SHANK2: variants seen among roughly 807,000 people sequenced by gnomAD.
The protein encoded by SHANK2 is SH3 and multiple ankyrin repeat domains protein 2.
A neutral mutation model predicts 133.7 loss-of-function variants in SHANK2; 43 were observed. That is an observed-to-expected ratio of 0.32 (90% CI 0.25 to 0.41). SHANK2 has a LOEUF of 0.41. Among genes scored for constraint, SHANK2 ranks in the 10% least tolerant of loss-of-function variants. SHANK2 has a pLI of 1.00. For synonymous variants in SHANK2, 1,017 were observed against 952.8 expected, an observed-to-expected ratio of 1.07 and a Z score of -1.24; for missense variants, 1,994 against 2,235.8, an observed-to-expected ratio of 0.89 and a Z score of 2.18.
chr11:71,219,241 G>A (rs549307514), intron 2 of SHANK2, among the ~76,000 whole-genome samples: 1 of 152,338 alleles, frequency 6.6e-6, no homozygotes, highest in African/African-American at 2.4e-5. Flanking sequence ...ACTTTGCAGA[G>A]CATGCAGTCT....
At chr11:70,627,015 G>A (rs1380709047) in intron 17 of SHANK2, among the ~76,000 whole-genome samples, 5 of 152,200 alleles carry the variant, frequency 3.3e-5, no homozygotes, top group Non-Finnish European at 5.9e-5. Flanking sequence ...CTTTGGCGCA[G>A]CCGTGAAGGT....
At chr11:71,174,053 C>T (rs1167500285) in intron 2 of SHANK2, among the ~76,000 whole-genome samples, 2 of 152,328 alleles carry the variant, frequency 1.3e-5, no homozygotes, top group Admixed American at 6.5e-5. Context: ...CCCAATACAT[C>T]GAGGCTTCAC....
intron 14 of SHANK2, among the ~76,000 whole-genome samples, chr11:70,793,858 C>T (rs1362842548): frequency 6.6e-6 from 1 of 152,188 alleles, no homozygotes; most frequent in Admixed American, 6.5e-5. Context: ...AAAAGACTCA[C>T]ACAAAAACCT....
At chr11:70,586,779 C>T (rs1219118096) in intron 17 of SHANK2, among the ~76,000 whole-genome samples, 2 of 152,174 alleles carry the variant, frequency 1.3e-5, no homozygotes, top group South Asian at 2.1e-4. Flanking sequence ...GCAGGTGTCT[C>T]GAGGGTACCG....
chr11:71,097,218 C>T (rs782716312), intron 6 of SHANK2, among the ~76,000 whole-genome samples: 8 of 152,142 alleles, frequency 5.3e-5, no homozygotes, highest in Non-Finnish European at 7.4e-5. Context: ...CCCCTCTTCC[C>T]GCCCTGGCTT....
In SHANK2 at chr11:70,487,647, G is replaced by T; in HGVS notation, c.2646C>A (p.Asp882Glu). The T allele has an allele frequency of 6.3e-7, 1 of 1,599,484 alleles. No homozygotes were observed. The highest frequency in any genetic ancestry group is 8.5e-7 in the Non-Finnish European group (1 of 1,172,964). The change falls in exon 25 of 26, where the codon GAC becomes GAA. Residue 882 changes from aspartate to glutamate, a missense_variant. Transcript: ENST00000601538. This position sits in a 1 kb window ranked among gnomAD's most constrained non-coding sequence, Gnocchi z 5.8. The stretch of plus-strand genomic sequence containing the variant: ...GTGGAGGGGGGATGTCCTCAGAGGT[G>T]TCCGGCATGGACAGGCTTCTGGTGA... ...LKFTRSLSMPDTSEDIPPPPQ... is the reference protein window; with the variant it reads ...LKFTRSLSMPETSEDIPPPPQ...
intron 11 of SHANK2, among the ~76,000 whole-genome samples, chr11:70,856,754 CAG>C (rs550978788): frequency 3.6e-3 from 545 of 152,238 alleles, no homozygotes; most frequent in Non-Finnish European, 6.6e-3. Flanking sequence ...TTTATTGAAT[CAG>C]AGAATTTCAA....
At chr11:70,818,626 CA>C (rs1445604704) in intron 12 of SHANK2, among the ~76,000 whole-genome samples, 8 of 152,192 alleles carry the variant, frequency 5.3e-5, no homozygotes, top group Non-Finnish European at 1.0e-4. Flanking sequence ...TTGTTCTCAG[CA>C]CCTGGGACTC....
intron 3 of SHANK2, among the ~76,000 whole-genome samples, chr11:71,132,958 ACT>A (rs1307917901): frequency 6.6e-6 from 1 of 152,036 alleles, no homozygotes; most frequent in Non-Finnish European, 1.5e-5. Context: ...GGGGAGCAGC[ACT>A]CTCTTTGGTC....
At chr11:70,795,922 A>T (rs1043767265) in intron 14 of SHANK2, among the ~76,000 whole-genome samples, 1 of 152,264 alleles carries the variant, frequency 6.6e-6, no homozygotes, top group East Asian at 1.9e-4. Flanking sequence ...GCCAAGTGAG[A>T]CTCACACCCG....
At chr11:70,682,032 T>G (rs1555018507) in intron 15 of SHANK2, among the ~76,000 whole-genome samples, 2 of 151,554 alleles carry the variant, frequency 1.3e-5, no homozygotes, top group African/African-American at 4.8e-5. Context: ...GAAACAGGAG[T>G]TCGACAACCT....
intron 8 of SHANK2, among the ~76,000 whole-genome samples, chr11:71,083,726 C>T (rs943515532): frequency 2.0e-4 from 30 of 152,212 alleles, no homozygotes; most frequent in African/African-American, 7.2e-4. Context: ...TCCAGGACCA[C>T]ACCCCCTGTG....
chr11:71,098,048 GCATGCCTGTGTGTA>G (rs1211470213), intron 6 of SHANK2, among the ~76,000 whole-genome samples: 15 of 151,172 alleles, frequency 9.9e-5, no homozygotes, highest in South Asian at 4.2e-4. Flanking sequence ...GTGCATGTGT[GCATGCCTGTGTGTA>G]CATGCCTGTG....
chr11:71,253,097 G>T (rs940069775), upstream of SHANK2, among the ~76,000 whole-genome samples: 1 of 152,188 alleles, frequency 6.6e-6, no homozygotes, highest in Non-Finnish European at 1.5e-5. Flanking sequence ...CCGCCCAGGG[G>T]TGCACAACGG....
At chr11:70,644,465 C>T (rs1235084280) in intron 17 of SHANK2, among the ~76,000 whole-genome samples, 1 of 152,214 alleles carries the variant, frequency 6.6e-6, no homozygotes, top group Non-Finnish European at 1.5e-5. Flanking sequence ...CCACTCCTGG[C>T]ATCTGTCCAT....
At position 70,659,972 on chromosome 11, in the gene SHANK2, C is replaced by T; in HGVS notation, c.1937-20G>A. The T allele has an allele frequency of 2.5e-6, 4 of 1,614,146 alleles. No individual in the cohort carries two copies. Among genetic ancestry groups the T allele is most frequent in the East Asian group, 2.2e-5 (1 of 44,876 alleles). On this transcript the variant is annotated intron_variant, in intron 16 of 25. Transcript: ENST00000601538. ...TGTCAGCTGGGAAGACAAGCAGCAC[C>T]TGGTTACAAGCCTGGGAGATGTCTT... is the stretch of plus-strand genomic sequence containing the variant.
At chr11:70,785,748 G>A (rs1555046319) in intron 14 of SHANK2, among the ~76,000 whole-genome samples, 1 of 152,204 alleles carries the variant, frequency 6.6e-6, no homozygotes. Context: ...CAGGACAGGG[G>A]GTGCAGTGAC....
chr11:71,164,750 G>A (rs1953104063), intron 2 of SHANK2, among the ~76,000 whole-genome samples: 1 of 152,266 alleles, frequency 6.6e-6, no homozygotes, highest in Non-Finnish European at 1.5e-5. Flanking sequence ...AAGAACTCTC[G>A]ACAGCTTTCT....
intron 17 of SHANK2, among the ~76,000 whole-genome samples, chr11:70,584,471 A>C (rs1162327044): frequency 6.6e-6 from 1 of 150,746 alleles, no homozygotes; most frequent in African/African-American, 2.4e-5. Context: ...AGGCCACCCC[A>C]CCCCTCCTCT....
Sources: allele counts gnomAD v4.1 joint callset (sites outside exome capture counted in the v4.1 genomes callset), GRCh38; gene constraint gnomAD v4.1.1; non-coding constraint Gnocchi (gnomAD v3.1); transcripts MANE v1.5; gene names NCBI Gene and HGNC (gene_info 2026-07-23, HGNC 2026-07-21).